AHNAK2: variants seen among roughly 807,000 people sequenced by gnomAD.
The protein encoded by AHNAK2 is protein AHNAK2.
AHNAK2 carries 18 observed loss-of-function variants against 30.7 expected under a neutral mutation model. The observed-to-expected ratio is 0.59, with a 90% CI of 0.41 to 0.87. The LOEUF (loss-of-function observed/expected upper bound fraction) is 0.87, where lower values mean the gene tolerates loss of function less well. AHNAK2 is among the 40% of genes least tolerant of loss of function. The pLI is 0.00. For synonymous variants in AHNAK2, 3,590 were observed against 3,073.8 expected, an observed-to-expected ratio of 1.17 and a Z score of -5.56; for missense variants, 8,604 against 7,373.0, an observed-to-expected ratio of 1.17 and a Z score of -6.11.
At position 104,940,728 on chromosome 14, in the gene AHNAK2, C is replaced by T. The variant is rs778276859; in HGVS notation, c.14723G>A (p.Ser4908Asn). 2 of 1,612,808 alleles carry T rather than the reference C, an allele frequency of 1.2e-6. No homozygotes were observed. Among genetic ancestry groups the T allele is most frequent in the Non-Finnish European group, 1.7e-6 (2 of 1,179,708 alleles). Residue 4908 changes from serine to asparagine, a missense_variant, in exon 7 of 7, where the codon AGC becomes AAC. Coordinates refer to ENST00000333244, the MANE Select transcript of AHNAK2 (RefSeq NM_138420.4). This position sits in a 1 kb window ranked among gnomAD's most constrained non-coding sequence, Gnocchi z 4.4. The part of the protein sequence containing the change: ...PGERVQCPLP[S>N]TQLPSPGTCV... ...GGTGCCTGGGGATGGCAGCTGGGTG[C>T]TTGGCAAGGGGCACTGCACTCTTTC...
rs1897900444 is a variant in AHNAK2 at position 104,939,075 on chromosome 14, G to A, written c.16376C>T (p.Pro5459Leu). The change falls in exon 7 of 7, where the codon CCA becomes CTA. Residue 5459 changes from proline to leucine, a missense_variant. Pro to Leu is a moderately conservative substitution (Grantham distance 98). Transcript: ENST00000333244. ...AATATGCACTCTGACCTTTGAAATT[G>A]GGGGAGCTTCCAAAGGCAGGTTAAG... ...VDLNLPLEAP[P>L]ISKVRVHIQG... 6.2e-7 allele frequency: 1 copy of A among 1,603,988 alleles called. No homozygotes were observed. The highest frequency in any genetic ancestry group is 8.5e-7 in the Non-Finnish European group (1 of 1,175,172).
rs761667088 is a variant in AHNAK2 at position 104,942,707 on chromosome 14, G to C, written c.12744C>G (p.Pro4248=). ...CGACGGGGGTCATCACATCCGCCTT[G>C]GGGCCTTTCAGGTCCAGCTTGGGGC... ...VKGPKLDLKG[P]KADVMTPVVE... The change falls in exon 7 of 7, where the codon CCC becomes CCG. Residue 4248 remains proline, a synonymous_variant. Coordinates refer to ENST00000333244, the MANE Select transcript of AHNAK2 (RefSeq NM_138420.4). 7 of 1,613,398 alleles carry C rather than the reference G, an allele frequency of 4.3e-6. No individual in the cohort carries two copies. The highest frequency in any genetic ancestry group is 2.2e-5 in the East Asian group (1 of 44,808).
In AHNAK2 at chr14:104,943,818, T is replaced by A; in HGVS notation, c.11633A>T (p.Glu3878Val). Residue 3878 changes from glutamate to valine, a missense_variant, in exon 7 of 7, where the codon GAG (glutamate) becomes GTG (valine). By Grantham distance (121) the Glu-to-Val change is moderately radical. Transcript: ENST00000333244. The stretch of plus-strand genomic sequence containing the variant: ...CAGGTGTCCTTTGAGGCCGGCTTCC[T>A]CGGGCACGTGGCCCTCCAGGAGTTT... ...DMKLLEGHVP[E>V]EAGLKGHLPK... 1 of 1,613,100 alleles carries A rather than the reference T, an allele frequency of 6.2e-7. No homozygotes were observed. Among genetic ancestry groups the A allele is most frequent in the African/African-American group, 1.3e-5 (1 of 74,836 alleles).
intron 1 of AHNAK2, among the ~76,000 whole-genome samples, chr14:104,971,525 C>T (rs1395044327): frequency 6.6e-6 from 1 of 152,150 alleles, no homozygotes; most frequent in Non-Finnish European, 1.5e-5. Context: ...GCTGGGATTA[C>T]AGGTGTGAGC....
In AHNAK2 at chr14:104,947,837, A is replaced by C. The variant is rs374363751; in HGVS notation, c.7614T>G (p.Ala2538=). The change falls in exon 7 of 7, where the codon GCT becomes GCG. Residue 2538 remains alanine (A), a synonymous_variant. Coordinates refer to ENST00000333244, the MANE Select transcript of AHNAK2 (RefSeq NM_138420.4). ...ATDLSIQPPS[A]DLEVQAGQVD... The stretch of plus-strand genomic sequence containing the variant: ...CTTGGCCAGCCTGGACCTCCAGGTC[A>C]GCGGAAGGGGGCTGAATGCTGAGGT... The C allele has an allele frequency of 6.2e-7, 1 of 1,611,410 alleles. No homozygotes were observed. Among genetic ancestry groups the C allele is most frequent in the Non-Finnish European group, 8.5e-7 (1 of 1,179,198 alleles).
In AHNAK2 at chr14:104,950,047, T is replaced by G. The variant is rs371213554; in HGVS notation, c.5404A>C (p.Ser1802Arg). 5.7e-6 allele frequency: 9 copies of G among 1,583,958 alleles called. No homozygotes were observed. The highest frequency in any genetic ancestry group is 4.5e-5 in the East Asian group (2 of 44,124). The change falls in exon 7 of 7, where the codon AGT becomes CGT. Residue 1802 changes from serine to arginine, a missense_variant. Coordinates refer to ENST00000333244, the MANE Select transcript of AHNAK2 (RefSeq NM_138420.4). Reference sequence around the variant, plus strand: ...GACAGGTCACCCTCCAGCCGCACACTGTCCAGCTTGGCTCCTGGAGCCTCG... The same window carrying G: ...GACAGGTCACCCTCCAGCCGCACACGGTCCAGCTTGGCTCCTGGAGCCTCG... ...DVEAPGAKLDSVRLEGDLSLA... is the reference protein window; with the variant it reads ...DVEAPGAKLDRVRLEGDLSLA...
At chr14:104,963,894 A>G (rs1339209268) in intron 1 of AHNAK2, among the ~76,000 whole-genome samples, 2 of 152,160 alleles carry the variant, frequency 1.3e-5, no homozygotes, top group African/African-American at 4.8e-5. Context: ...TCATCAAAAA[A>G]CACCACTAAG....
chr14:104,948,100 C>T lies in AHNAK2; in HGVS notation c.7351G>A (p.Val2451Met), dbSNP rs763347153. The change falls in exon 7 of 7, where the codon GTG becomes ATG. Residue 2451 changes from valine (V) to methionine (M), a missense_variant. By Grantham distance (21) the Val-to-Met change is conservative. Transcript: ENST00000333244. ...DVEVSQPSVE[V>M]DVEAPGAKLD... ...TTGGCTCCCGGGGCCTCGACATCCA[C>T]CTCCACGCTGGGCTGAGACACCTCC... is the stretch of plus-strand genomic sequence containing the variant. 112 of 1,612,806 alleles carry T rather than the reference C, an allele frequency of 6.9e-5. 1 individual carries two copies. The Middle Eastern group carries it at 9.9e-4, about 14-fold the overall frequency.
rs752497733 is a variant in AHNAK2 at position 104,946,847 on chromosome 14, G to A, written c.8604C>T (p.Ala2868=). The A allele has an allele frequency of 9.0e-4, 1,455 of 1,612,552 alleles. 5 individuals carry two copies. Among genetic ancestry groups the A allele is most frequent in the Non-Finnish European group, 9.2e-4 (1,088 of 1,179,666 alleles). ...TTDIRIQPPS[A]QLEVQAGQVD... ...CCTGGCCAGCCTGGACCTCCAGTTGGGCGGAGGGGGGCTGAATGCGGATGT... is the reference window on the plus strand; with the variant it reads ...CCTGGCCAGCCTGGACCTCCAGTTGAGCGGAGGGGGGCTGAATGCGGATGT... The change falls in exon 7 of 7, where the codon GCC becomes GCT. Residue 2868 remains alanine (A), a synonymous_variant. Transcript: ENST00000333244.
In AHNAK2 at chr14:104,945,167, T is replaced by A; in HGVS notation, c.10284A>T (p.Thr3428=). 1 of 1,612,736 alleles carries A rather than the reference T, an allele frequency of 6.2e-7. No homozygotes were observed. Among genetic ancestry groups the A allele is most frequent in the East Asian group, 2.2e-5 (1 of 44,714 alleles). Residue 3428 remains threonine (T), a synonymous_variant, in exon 7 of 7, where the codon ACA becomes ACT. Transcript: ENST00000333244. ...GCAGAGACACCTCCACATCAGGGACTGTCACTTCCGCCTTGGGGACTTTTA... is the reference window on the plus strand; with the variant it reads ...GCAGAGACACCTCCACATCAGGGACAGTCACTTCCGCCTTGGGGACTTTTA... ...LDLKVPKAEV[T]VPDVEVSLPS...
rs1276183511 is a variant in AHNAK2 at position 104,947,315 on chromosome 14, C to A, written c.8136G>T (p.Val2712=). ...SAQLEVQAGQ[V]DVKLPEGHVP... is the part of the protein sequence containing the mutation. The stretch of plus-strand genomic sequence containing the variant: ...CGTGGCCCTCTGGGAGTTTCACATC[C>A]ACCTGGCCAGCCTGGACCTCCAGTT... The change falls in exon 7 of 7, where the codon GTG becomes GTT. Residue 2712 remains valine (V), a synonymous_variant. Transcript: ENST00000333244. 3 of 1,611,964 alleles carry A rather than the reference C, an allele frequency of 1.9e-6. No homozygotes were observed. The highest frequency in any genetic ancestry group is 1.3e-5 in the African/African-American group (1 of 74,074).
At position 104,954,506 on chromosome 14, in the gene AHNAK2, C is replaced by T. The variant is rs367964397; in HGVS notation, c.945G>A (p.Pro315=). ...GGAACTTCCGCCTCCTCTGGCTGCC[C>T]GGCCCTGCCTTCTGCTCTTGGCGCT... The part of the protein sequence containing the change: ...TVERQEQKAG[P]GSQRRRKFLN... Residue 315 remains proline, a synonymous_variant, in exon 7 of 7, where the codon CCG becomes CCA. Coordinates refer to ENST00000333244, the MANE Select transcript of AHNAK2 (RefSeq NM_138420.4). This position sits in a 1 kb window ranked among gnomAD's most constrained non-coding sequence, Gnocchi z 4.3. 153 of 1,612,234 alleles carry T rather than the reference C, an allele frequency of 9.5e-5. No homozygotes were observed. The African/African-American group carries it at 1.7e-3, about 18-fold the overall frequency.
In AHNAK2 at chr14:104,950,116, C is replaced by T. The variant is rs368752210; in HGVS notation, c.5335G>A (p.Ala1779Thr). 310 of 1,586,872 alleles carry T rather than the reference C, an allele frequency of 2.0e-4. 36 individuals carry two copies. The highest frequency in any genetic ancestry group is 5.5e-4 in the African/African-American group (40 of 72,276). The change falls in exon 7 of 7, where the codon GCC becomes ACC. Residue 1779 changes from alanine to threonine, a missense_variant. Coordinates refer to ENST00000333244, the MANE Select transcript of AHNAK2 (RefSeq NM_138420.4). ...DLKGPKAEVM[A>T]PDVEVSLPSV... is the part of the protein sequence containing the mutation. ...GGCAGAGACACCTCCACGTCGGGGG[C>T]CATCACCTCCGCCTTGGGGCCTTTC...
chr14:104,968,728 G>A (rs1405776051), intron 1 of AHNAK2, among the ~76,000 whole-genome samples: 7 of 152,250 alleles, frequency 4.6e-5, no homozygotes, highest in Non-Finnish European at 1.5e-5. Context: ...GGCCGGAAAA[G>A]TCCATCCTGG....
In AHNAK2 at chr14:104,944,306, G is replaced by T. The variant is rs368420102; in HGVS notation, c.11145C>A (p.Ala3715=). 1 of 1,612,892 alleles carries T rather than the reference G, an allele frequency of 6.2e-7. No individual in the cohort carries two copies. Among genetic ancestry groups the T allele is most frequent in the African/African-American group, 1.3e-5 (1 of 74,780 alleles). Residue 3715 remains alanine, a synonymous_variant, in exon 7 of 7, where the codon GCC becomes GCA. Transcript: ENST00000333244. ...KLPEGQVPEG[A]GLKEHLPKVE... Reference sequence around the variant, plus strand: ...CCTTGGGCAGGTGCTCTTTGAGGCCGGCTCCCTCGGGCACCTGGCCCTCCG... The same window carrying T: ...CCTTGGGCAGGTGCTCTTTGAGGCCTGCTCCCTCGGGCACCTGGCCCTCCG...
chr14:104,946,685 C>A lies in AHNAK2; in HGVS notation c.8766G>T (p.Lys2922Asn), dbSNP rs774590024. 6.2e-7 allele frequency: 1 copy of A among 1,611,380 alleles called. No homozygotes were observed. Among genetic ancestry groups the A allele is most frequent in the Non-Finnish European group, 8.5e-7 (1 of 1,179,074 alleles). ...CCGCCTTGGGGCCTTTCAGGTCCAG[C>A]TTGGGGCCCTTGACGTCTATCTGGG... Reference protein sequence around the residue: ...KGPQIDVKGPKLDLKGPKAEV... With the variant: ...KGPQIDVKGPNLDLKGPKAEV... Residue 2922 changes from lysine (K) to asparagine (N), a missense_variant, in exon 7 of 7, where the codon AAG becomes AAT. Lys to Asn is a moderately conservative substitution (Grantham distance 94). Coordinates refer to ENST00000333244, the MANE Select transcript of AHNAK2 (RefSeq NM_138420.4).
rs74090125 is a variant in AHNAK2, at chr14:104,949,001, G to T, written c.6450C>A (p.Asp2150Glu). 2,832 of 1,208,396 alleles carry T rather than the reference G, an allele frequency of 2.3e-3. 344 individuals are homozygous for T. In the African/African-American group the frequency reaches 0.033, roughly 14 times the overall value. The allele number at this position is 1,208,396 out of a possible 1,614,324, so 74.9% of individuals were successfully genotyped here. A position where few individuals can be genotyped will look rare whatever the true frequency, so the allele number is the denominator to read the frequency against. The change falls in exon 7 of 7, where the codon GAC (aspartate) becomes GAA (glutamate). Residue 2150 changes from aspartate (D) to glutamate (E), a missense_variant. Transcript: ENST00000333244. ...TLANKDLTTKDSKFKMPKFKM... is the reference protein window; with the variant it reads ...TLANKDLTTKESKFKMPKFKM... The stretch of plus-strand genomic sequence containing the variant: ...TGAACTTGGGCATTTTGAACTTGCT[G>T]TCTTTGGTAGTCAGGTCCTTGTTGG...
At chr14:104,963,828 T>TAAAA (rs1207815621) in intron 1 of AHNAK2, among the ~76,000 whole-genome samples, 13 of 108,322 alleles carry the variant, frequency 1.2e-4, no homozygotes, top group African/African-American at 5.0e-4. Context: ...AGACTCCGTC[T>TAAAA]AAAAAAAAAA....
chr14:104,957,316 G>A, intron 3 of AHNAK2, 94 bp downstream of exon 3: 1 of 1,204,274 alleles, frequency 8.3e-7, no homozygotes, highest in East Asian at 2.6e-5. Flanking sequence ...AGCGGGGCAG[G>A]GCAGCAAGGT....
Sources: allele counts gnomAD v4.1 joint callset (sites outside exome capture counted in the v4.1 genomes callset), GRCh38; gene constraint gnomAD v4.1.1; non-coding constraint Gnocchi (gnomAD v3.1); transcripts MANE v1.5; gene names NCBI Gene and HGNC (gene_info 2026-07-23, HGNC 2026-07-21).